Variants in BLZF1 observed in about 807,000 individuals in gnomAD.
The protein encoded by BLZF1 is basic leucine zipper nuclear factor 1.
BLZF1 carries 39 observed loss-of-function variants against 43.8 expected under a neutral mutation model. The observed-to-expected ratio is 0.89, with a 90% CI of 0.69 to 1.16. BLZF1 has a LOEUF of 1.16. Among genes scored for constraint, BLZF1 ranks in the 50% most tolerant of loss-of-function variants. BLZF1 has a pLI of 0.00. For missense variants in BLZF1, 449 were observed against 469.8 expected, an observed-to-expected ratio of 0.96 and a Z score of 0.41; for synonymous variants, 136 against 159.4, an observed-to-expected ratio of 0.85 and a Z score of 1.11.
chr1:169,376,847 G>A lies in BLZF1; in HGVS notation c.336G>A (p.Gln112=), dbSNP rs1383896555. The A allele has an allele frequency of 6.2e-7, 1 of 1,613,354 alleles. No homozygotes were observed. The highest frequency in any genetic ancestry group is 1.1e-5 in the South Asian group (1 of 91,054). ...ATCATAAAGGAGAATTCCTTGGTCA[G>A]TCAGAGGGAGTTATAGAACCTAATA... The part of the protein sequence containing the change: ...LGHHKGEFLG[Q]SEGVIEPNKE... The change falls in exon 3 of 7, where the codon CAG becomes CAA. Residue 112 remains glutamine, a synonymous_variant. Transcript: ENST00000367808.
Position 169,383,545 on chromosome 1 carries a change from T to C in BLZF1, c.1017+1264T>C, listed in dbSNP as rs1189938878. The stretch of plus-strand genomic sequence containing the variant: ...TAAACACCATCCATTCCTCAATTCC[T>C]ACCGTCACTTAAATCTGTAGACTTC... On this transcript the variant is annotated intron_variant, in intron 6 of 6. Coordinates refer to ENST00000367808, the MANE Select transcript of BLZF1 (RefSeq NM_001320973.2). Among the ~76,000 whole-genome samples, 3 of 152,320 alleles carry C rather than the reference T, an allele frequency of 2.0e-5. No homozygotes were observed. In the East Asian group the frequency reaches 5.8e-4, roughly 29 times the overall value.
At chr1:169,369,353 C>T (rs556579027) in intron 1 of BLZF1, 120 bp from the exon 2 acceptor site, 2 of 504,472 alleles carry the variant, frequency 4.0e-6, no homozygotes, top group East Asian at 6.5e-5. Context: ...GGACATTTCT[C>T]TTTCTAAATG....
At chr1:169,392,583 A>G (rs1654840662), downstream of BLZF1, among the ~76,000 whole-genome samples, 1 of 152,250 alleles carries the variant, frequency 6.6e-6, no homozygotes, top group Non-Finnish European at 1.5e-5. Flanking sequence ...CCTGGCACAT[A>G]GCTCCTAAAA....
downstream of BLZF1, among the ~76,000 whole-genome samples, chr1:169,390,989 C>T (rs1654801047): frequency 6.6e-6 from 1 of 152,140 alleles, no homozygotes; most frequent in Non-Finnish European, 1.5e-5. Context: ...TATTTTCCTT[C>T]CCAGAGGCCT....
intron 1 of BLZF1, 104 bp from the exon 2 acceptor site, chr1:169,369,369 G>C (rs745491596): frequency 1.8e-6 from 1 of 556,540 alleles, no homozygotes; most frequent in Admixed American, 3.5e-5. Flanking sequence ...AAATGCATGC[G>C]TACTAAATAC....
chr1:169,387,139 T>C lies in BLZF1; in HGVS notation c.1160T>C (p.Phe387Ser). The C allele has an allele frequency of 6.2e-7, 1 of 1,613,388 alleles. No homozygotes were observed. The highest frequency in any genetic ancestry group is 8.5e-7 in the Non-Finnish European group (1 of 1,179,844). Residue 387 changes from phenylalanine to serine, a missense_variant, in exon 7 of 7, where the codon TTC (phenylalanine) becomes TCC (serine). Transcript: ENST00000367808. ...TATACTAGATATGAAAATATAACTT[T>C]CAATTGCTGCAATCACTGCCGGGGA... ...HPYTRYENIT[F>S]NCCNHCRGEL...
chr1:169,385,316 C>T (rs1016338173), intron 6 of BLZF1, among the ~76,000 whole-genome samples: 1 of 152,156 alleles, frequency 6.6e-6, no homozygotes, highest in Non-Finnish European at 1.5e-5. Flanking sequence ...AAGGTGCCAT[C>T]ATTTCTTAGC....
chr1:169,386,876 T>G lies in BLZF1; in HGVS notation c.1018-121T>G, dbSNP rs1248605398. The stretch of plus-strand genomic sequence containing the variant: ...TTTTCAATCAGATTAGTCATTCTGT[T>G]TTTTTAGTAATAGTTATATATTAAT... On this transcript the variant is annotated intron_variant, in intron 6 of 6. Coordinates refer to ENST00000367808, the MANE Select transcript of BLZF1 (RefSeq NM_001320973.2). The G allele has an allele frequency of 3.8e-5, 25 of 651,538 alleles. No individual in the cohort carries two copies. In the East Asian group the frequency reaches 6.4e-4, roughly 17 times the overall value. 40.4% of individuals were successfully genotyped at this position (651,538 alleles called of 1,614,324 possible). A position where few individuals can be genotyped will look rare whatever the true frequency, so the allele number is the denominator to read the frequency against.
At chr1:169,368,737 TAAG>T (rs561377915) in intron 1 of BLZF1, among the ~76,000 whole-genome samples, 7 of 152,214 alleles carry the variant, frequency 4.6e-5, no homozygotes, top group African/African-American at 9.7e-5. Context: ...TTGTGACTGT[TAAG>T]AAAGTTAGTC....
chr1:169,376,297 G>T (rs1654340503), intron 2 of BLZF1, among the ~76,000 whole-genome samples: 1 of 151,992 alleles, frequency 6.6e-6, no homozygotes, highest in Admixed American at 6.6e-5. Flanking sequence ...TTTACCCAGG[G>T]TTATACTAGA....
intron 1 of BLZF1, among the ~76,000 whole-genome samples, chr1:169,369,065 A>G (rs1228303987): frequency 3.3e-5 from 5 of 152,320 alleles, no homozygotes; most frequent in East Asian, 1.9e-4. Context: ...ATCTAAACAG[A>G]AGCTCCTTTT....
chr1:169,378,480 C>T lies in BLZF1; in HGVS notation c.619C>T (p.Arg207Cys), dbSNP rs779528195. 4 of 1,612,726 alleles carry T rather than the reference C, an allele frequency of 2.5e-6. No individual in the cohort carries two copies. Among genetic ancestry groups the T allele is most frequent in the East Asian group, 2.2e-5 (1 of 44,856 alleles). ...AGCTCAGCTTTCTGAACAGTTAGAA[C>T]GTATGTCAATACAGTGTGATGTATG... ...NTAQLSEQLERMSIQCDVWRS... is the reference protein window; with the variant it reads ...NTAQLSEQLECMSIQCDVWRS... Residue 207 changes from arginine to cysteine, a missense_variant, in exon 4 of 7, where the codon CGT (arginine) becomes TGT (cysteine). Coordinates refer to ENST00000367808, the MANE Select transcript of BLZF1 (RefSeq NM_001320973.2).
chr1:169,377,261 A>C (rs1654389018), intron 3 of BLZF1: 1 of 395,398 alleles, frequency 2.5e-6, no homozygotes, highest in Non-Finnish European at 4.5e-6. Context: ...AAACTGCCAG[A>C]CCAAAGATTG....
intron 4 of BLZF1, among the ~76,000 whole-genome samples, chr1:169,379,364 C>G (rs1263650226): frequency 3.9e-5 from 6 of 151,988 alleles, no homozygotes; most frequent in Non-Finnish European, 8.8e-5. Flanking sequence ...GTAGTTCACT[C>G]TCTTTAACAG....
chr1:169,382,217 A>G lies in BLZF1; in HGVS notation c.953A>G (p.Asn318Ser), dbSNP rs1410747422. 5.6e-6 allele frequency: 9 copies of G among 1,613,882 alleles called. No individual in the cohort carries two copies. The highest frequency in any genetic ancestry group is 7.6e-6 in the Non-Finnish European group (9 of 1,179,776). The change falls in exon 6 of 7, where the codon AAT (asparagine) becomes AGT (serine). Residue 318 changes from asparagine to serine, a missense_variant. By Grantham distance (46) the Asn-to-Ser change is conservative (BLOSUM62 1). Transcript: ENST00000367808. Reference sequence around the variant, plus strand: ...CTTCTGGGAAATGTTGGCATTAACAATCAAAAAAAGATTCCATCAACAGTT... The same window carrying G: ...CTTCTGGGAAATGTTGGCATTAACAGTCAAAAAAAGATTCCATCAACAGTT... ...SHLLGNVGIN[N>S]QKKIPSTVEF...
At chr1:169,384,833 T>A (rs2102019281) in intron 6 of BLZF1, among the ~76,000 whole-genome samples, 1 of 152,326 alleles carries the variant, frequency 6.6e-6, no homozygotes, top group South Asian at 2.1e-4. Flanking sequence ...TATAATAGTT[T>A]TATTTTCCAT....
At chr1:169,369,410 T>C in intron 1 of BLZF1, 63 bp from the exon 2 acceptor site, 1 of 784,750 alleles carries the variant, frequency 1.3e-6, no homozygotes, top group Non-Finnish European at 2.0e-6. Flanking sequence ...AACTTTTAAA[T>C]TGGAGGTACT....
rs763506719 is a variant in BLZF1 at position 169,380,472 on chromosome 1, C to T, written c.669-9C>T. The T allele has an allele frequency of 6.2e-7, 1 of 1,604,170 alleles. No homozygotes were observed. The highest frequency in any genetic ancestry group is 1.1e-5 in the South Asian group (1 of 90,312). On this transcript the variant is annotated splice_polypyrimidine_tract_variant and intron_variant, in intron 4 of 6. Coordinates refer to ENST00000367808, the MANE Select transcript of BLZF1 (RefSeq NM_001320973.2). ...GCAAATTTATATGTAAGATTTTAAT[C>T]TTTTTCAGGGTAATGGCAGATGAGT...
intron 6 of BLZF1, among the ~76,000 whole-genome samples, chr1:169,383,112 G>T (rs141565099): frequency 1.8e-3 from 280 of 152,182 alleles, no homozygotes; most frequent in African/African-American, 6.3e-3. Context: ...TCCTGTGTCA[G>T]TTCAGCTGTT....
Sources: gnomAD v4.1 joint callset for allele counts (sites outside exome capture counted in the v4.1 genomes callset) on GRCh38, gnomAD v4.1.1 for gene constraint, MANE v1.5 for transcripts, NCBI Gene and HGNC (gene_info 2026-07-23, HGNC 2026-07-21) for gene names.